The following SLC7A10 variants were observed in gnomAD, a reference collection of about 807,000 sequenced individuals.
SLC7A10 encodes asc-type amino acid transporter 1.
A neutral mutation model predicts 52.7 loss-of-function variants in SLC7A10; 30 were observed. The ratio of observed to expected loss-of-function variants is 0.57; its 90% CI spans 0.43 to 0.77. The LOEUF (loss-of-function observed/expected upper bound fraction) is 0.77. Among genes scored for constraint, SLC7A10 ranks in the 30% least tolerant of loss-of-function variants. SLC7A10 has a pLI of 0.00. For missense variants in SLC7A10, 581 were observed against 698.5 expected (o/e 0.83, Z 1.90); for synonymous variants, 318 against 314.9 (o/e 1.01, Z -0.10).
At chr19:33,213,521 C>T (rs879864324) in intron 2 of SLC7A10, among the ~76,000 whole-genome samples, 1 of 152,174 alleles carries the variant, frequency 6.6e-6, no homozygotes, top group Non-Finnish European at 1.5e-5. Context: ...ATCTCCTGAC[C>T]TCGTGATCCA....
chr19:33,212,596 C>T lies in SLC7A10; in HGVS notation c.552G>A (p.Thr184=), dbSNP rs200049481. The part of the protein sequence containing the change: ...WVNSSSVRWA[T]RIQDMFTGGK... ...CGCCTGTGAACATGTCCTGGATGCG[C>T]GTGGCCCAGCGCACACTGGAGCTGT... The change falls in exon 4 of 11, where the codon ACG becomes ACA. Residue 184 remains threonine (T), a synonymous_variant. Coordinates refer to ENST00000253188, the MANE Select transcript of SLC7A10 (RefSeq NM_019849.3). 1.7e-5 allele frequency: 27 copies of T among 1,613,922 alleles called. 1 individual carries two copies. Among genetic ancestry groups the T allele is most frequent in the East Asian group, 4.5e-5 (2 of 44,876 alleles).
chr19:33,218,249 T>G (rs1974731946), intron 1 of SLC7A10, among the ~76,000 whole-genome samples: 1 of 152,128 alleles, frequency 6.6e-6, no homozygotes, highest in Admixed American at 6.5e-5. Flanking sequence ...CTTCCAGGGC[T>G]GTATCACTAG....
chr19:33,213,088 C>T (rs1974593870), intron 2 of SLC7A10, 86 bp from the exon 3 acceptor site: 3 of 1,534,650 alleles, frequency 2.0e-6, no homozygotes. Context: ...CAGGGCTGCC[C>T]TGGGCCTGGC....
In SLC7A10 at chr19:33,211,416, C is replaced by G. The variant is rs149181948; in HGVS notation, c.910G>C (p.Val304Leu). Residue 304 changes from valine (V) to leucine (L), a missense_variant and splice_region_variant, in exon 6 of 11, where the codon GTG becomes CTG. By Grantham distance (32) the Val-to-Leu change is conservative (BLOSUM62 1). Coordinates refer to ENST00000253188, the MANE Select transcript of SLC7A10 (RefSeq NM_019849.3). ...QELLSSNAVA[V>L]TFGEKLLGYF... ...GGACCGAGCAGGGGCCCACTCACCACAGCCACCGCATTGGAGGAGAGCAGC... is the reference window on the plus strand; with the variant it reads ...GGACCGAGCAGGGGCCCACTCACCAGAGCCACCGCATTGGAGGAGAGCAGC... 1 of 1,613,894 alleles carries G rather than the reference C, an allele frequency of 6.2e-7. No individual in the cohort carries two copies. The highest frequency in any genetic ancestry group is 1.1e-5 in the South Asian group (1 of 91,074).
intron 1 of SLC7A10, chr19:33,220,817 A>G (rs767871736): frequency 6.6e-6 from 1 of 152,068 alleles, no homozygotes; most frequent in Non-Finnish European, 1.5e-5. Flanking sequence ...CGTCCTCCCA[A>G]TTGCTTGGGC....
In SLC7A10 at chr19:33,208,797, T is replaced by C. The variant is rs1599942430; in HGVS notation, c.*94A>G. On this transcript the variant is annotated 3_prime_UTR_variant, in exon 11 of 11. Transcript: ENST00000253188. This position sits in a 1 kb window ranked among gnomAD's most constrained non-coding sequence, Gnocchi z 4.7. ...AGAGTCGTATCTTTTTTCTTTTTTT[T>C]CCAGAAAAAAACAAAACAAAACTTT... The C allele has an allele frequency of 2.6e-6, 4 of 1,553,828 alleles. No individual in the cohort carries two copies. In the East Asian group the frequency reaches 6.8e-5, roughly 26 times the overall value.
intron 1 of SLC7A10, among the ~76,000 whole-genome samples, chr19:33,218,880 G>C: frequency 6.6e-6 from 1 of 150,986 alleles, no homozygotes; most frequent in Non-Finnish European, 1.5e-5. Flanking sequence ...AAGGTCGGAG[G>C]GTCTCCCTTC....
At chr19:33,215,423 C>T in intron 2 of SLC7A10, among the ~76,000 whole-genome samples, 1 of 152,086 alleles carries the variant, frequency 6.6e-6, no homozygotes, top group East Asian at 1.9e-4. Flanking sequence ...CAGTAAGAAT[C>T]CCCCCTCCTT....
rs1020424252 is a variant in SLC7A10, at chr19:33,209,247, G to A, written c.1441+61C>T. The A allele has an allele frequency of 2.5e-6, 4 of 1,604,826 alleles. No homozygotes were observed. The Admixed American group carries it at 5.0e-5, about 20-fold the overall frequency. On this transcript the variant is annotated intron_variant, in intron 10 of 10. Coordinates refer to ENST00000253188, the MANE Select transcript of SLC7A10 (RefSeq NM_019849.3). ...CTGCTCTGGGGTGAGCCTCTAAGAG[G>A]GAGGTCTGGTCTCCAGGCCCCGGCC...
chr19:33,212,980 C>T lies in SLC7A10; in HGVS notation c.379G>A (p.Val127Ile), dbSNP rs769865194. 1.6e-5 allele frequency: 25 copies of T among 1,612,142 alleles called. 2 individuals are homozygous for T. The highest frequency in any genetic ancestry group is 8.4e-5 in the Admixed American group (5 of 59,496). Reference sequence around the variant, plus strand: ...AGGCTGGTGGGGTACATGATGAGGACGGCGCTCCAGAGCAGCAGAAAGCTG... The same window carrying T: ...AGGCTGGTGGGGTACATGATGAGGATGGCGCTCCAGAGCAGCAGAAAGCTG... The part of the protein sequence containing the change: ...LAGFLLLWSA[V>I]LIMYPTSLAV... Residue 127 changes from valine to isoleucine, a missense_variant, in exon 3 of 11, where the codon GTC (valine) becomes ATC (isoleucine). Coordinates refer to ENST00000253188, the MANE Select transcript of SLC7A10 (RefSeq NM_019849.3).
intron 10 of SLC7A10, 137 bp from the exon 11 acceptor site, chr19:33,209,158 A>G (rs551277853): frequency 1.3e-6 from 2 of 1,531,860 alleles, no homozygotes; most frequent in Non-Finnish European, 1.8e-6. Context: ...CTTTGGGTAC[A>G]TCTTGGGAAG....
chr19:33,225,464 G>A (rs1974901631), intron 1 of SLC7A10, 89 bp downstream of exon 1: 1 of 1,501,602 alleles, frequency 6.7e-7, no homozygotes, highest in African/African-American at 1.4e-5. Flanking sequence ...ACCCGTCCGA[G>A]CGCCCGGAGA....
Position 33,210,319 on chromosome 19 carries a change from G to T in SLC7A10, c.1263+148C>A. 1 of 966,900 alleles carries T rather than the reference G, an allele frequency of 1.0e-6. No individual in the cohort carries two copies. The highest frequency in any genetic ancestry group is 1.5e-6 in the Non-Finnish European group (1 of 653,024). The allele number at this position is 966,900 out of a possible 1,614,324, so 59.9% of individuals were successfully genotyped here. A position where few individuals can be genotyped will look rare whatever the true frequency, so the allele number is the denominator to read the frequency against. On this transcript the variant is annotated intron_variant, in intron 9 of 10. Coordinates refer to ENST00000253188, the MANE Select transcript of SLC7A10 (RefSeq NM_019849.3). This position sits in a 1 kb window ranked among gnomAD's most constrained non-coding sequence, Gnocchi z 5.6. ...CCTCATGGGGCTGCTATGAGGAATG[G>T]CTGCCTCAGTGCACAGAGAGCCCTG...
chr19:33,215,626 AT>A lies in SLC7A10; in HGVS notation c.356+142del. The stretch of plus-strand genomic sequence containing the variant: ...CATCCAGCCCCCACACCTTCTCTCC[AT>A]CCACCCCCCACACCTTCTCTCCATC... On this transcript the variant is annotated intron_variant, in intron 2 of 10. Coordinates refer to ENST00000253188, the MANE Select transcript of SLC7A10 (RefSeq NM_019849.3). The A allele has an allele frequency of 5.9e-5, 18 of 306,850 alleles. 3 individuals are homozygous for A. Among genetic ancestry groups the A allele is most frequent in the South Asian group, 4.4e-4 (6 of 13,524 alleles). 19.0% of individuals were successfully genotyped at this position (306,850 alleles called of 1,614,324 possible). A position where few individuals can be genotyped will look rare whatever the true frequency, so the allele number is the denominator to read the frequency against.
rs1376803177 is a variant in SLC7A10 at position 33,225,635 on chromosome 19, G to A, written c.69C>T (p.Val23=). Residue 23 remains valine (V), a synonymous_variant, in exon 1 of 11, where the codon GTC becomes GTT. Transcript: ENST00000253188. ...CCGAGGCGCCGGGGACGGTCCCTGG[G>A]ACTGGGGAGGGCGAGGGCGCAGGCC... ...NPRPAPSPSP[V]PGTVPGASER... 4.4e-6 allele frequency: 7 copies of A among 1,588,848 alleles called. No homozygotes were observed. The highest frequency in any genetic ancestry group is 5.9e-6 in the Non-Finnish European group (7 of 1,176,472).
rs1407924513 is a variant in SLC7A10 at position 33,208,739 on chromosome 19, C to T, written c.*152G>A. Reference sequence around the variant, plus strand: ...GCAGTGCTAAGACAGGAAACCCAGTCCACATTTTAGGGCTTCCTTAAACAG... The same window carrying T: ...GCAGTGCTAAGACAGGAAACCCAGTTCACATTTTAGGGCTTCCTTAAACAG... On this transcript the variant is annotated 3_prime_UTR_variant, in exon 11 of 11. Coordinates refer to ENST00000253188, the MANE Select transcript of SLC7A10 (RefSeq NM_019849.3). The surrounding 1 kb of genome is among the most constrained non-coding windows in gnomAD (Gnocchi z 4.7). 17 of 945,156 alleles carry T rather than the reference C, an allele frequency of 1.8e-5. No individual in the cohort carries two copies. The highest frequency in any genetic ancestry group is 2.7e-5 in the Non-Finnish European group (17 of 641,158). 58.5% of individuals were successfully genotyped at this position (945,156 alleles called of 1,614,324 possible). A position where few individuals can be genotyped will look rare whatever the true frequency, so the allele number is the denominator to read the frequency against.
intron 7 of SLC7A10, 149 bp downstream of exon 7, chr19:33,211,076 A>G: frequency 1.0e-6 from 1 of 970,066 alleles, no homozygotes; most frequent in Non-Finnish European, 1.6e-6. Context: ...AGTTGTGATC[A>G]GACACTTGTT....
At position 33,211,364 on chromosome 19, in the gene SLC7A10, C is replaced by CGGGGCAGGGGCCTGGGCAG; in HGVS notation, c.912+31_913-37dup. ...ACAGTAGAGAGGCCATGTGTAAGGC[C>CGGGGCAGGGGCCTGGGCAG]GGGGCAGGGGCCTGGGCAGGAGCCA... On this transcript the variant is annotated intron_variant, in intron 6 of 10. Transcript: ENST00000253188. 4 of 1,613,752 alleles carry CGGGGCAGGGGCCTGGGCAG rather than the reference C, an allele frequency of 2.5e-6. No individual in the cohort carries two copies. The South Asian group carries it at 4.4e-5, about 18-fold the overall frequency.
chr19:33,215,631 C>CCCCCACACCTTCTCTCCATGCAG, intron 2 of SLC7A10, 138 bp downstream of exon 2: 1 of 444,188 alleles, frequency 2.3e-6, no homozygotes, highest in East Asian at 5.3e-5. Context: ...TCTCCATCCA[C>CCCCCACACCTTCTCTCCATGCAG]CCCCCACACC....
Sources: allele counts gnomAD v4.1 joint callset (sites outside exome capture counted in the v4.1 genomes callset), GRCh38; gene constraint gnomAD v4.1.1; non-coding constraint Gnocchi (gnomAD v3.1); transcripts MANE v1.5; gene names NCBI Gene and HGNC (gene_info 2026-07-23, HGNC 2026-07-21).